The following HEXB variants were observed in gnomAD, a reference collection of about 807,000 sequenced individuals.
HEXB encodes the protein beta-hexosaminidase subunit beta.
HEXB carries 51 observed loss-of-function variants against 71.2 expected under a neutral mutation model. The observed-to-expected ratio is 0.72, with a 90% CI of 0.57 to 0.90. HEXB has a LOEUF of 0.90. Ranked by LOEUF, HEXB falls within the 40% of genes least tolerant of loss-of-function variation. The probability of loss-of-function intolerance (pLI) is 0.00; values close to 1 mark genes in which losing one functional copy is unlikely to be tolerated. For synonymous variants in HEXB, 266 were observed against 249.3 expected, an observed-to-expected ratio of 1.07 and a Z score of -0.63; for missense variants, 617 against 677.0, an observed-to-expected ratio of 0.91 and a Z score of 0.98.
chr5:74,669,831 G>A (rs1383668951), intron 1 of HEXB, among the ~76,000 whole-genome samples: 1 of 152,164 alleles, frequency 6.6e-6, no homozygotes, highest in Non-Finnish European at 1.5e-5. Context: ...CTGAACACTG[G>A]GGGAAATAAG....
chr5:74,653,427 C>T (rs1748159914), intron 1 of HEXB, among the ~76,000 whole-genome samples: 1 of 152,170 alleles, frequency 6.6e-6, no homozygotes. Flanking sequence ...TCGCTTTCTG[C>T]TCCCACCTGA....
intron 1 of HEXB, among the ~76,000 whole-genome samples, chr5:74,655,214 A>G (rs1748195107): frequency 1.3e-5 from 2 of 152,184 alleles, no homozygotes; most frequent in South Asian, 2.1e-4. Context: ...TGTTCATAAC[A>G]GGCACTAAAA....
intron 4 of HEXB, 57 bp from the exon 5 acceptor site, chr5:74,696,939 T>A: frequency 1.1e-6 from 1 of 930,758 alleles, no homozygotes; most frequent in East Asian, 2.4e-5. Flanking sequence ...TTAGTCTTCA[T>A]TGAGTTCAAG....
chr5:74,718,269 T>C (rs759658602), intron 9 of HEXB, 22 bp from the exon 10 acceptor site: 1 of 1,406,944 alleles, frequency 7.1e-7, no homozygotes, highest in Non-Finnish European at 1.0e-6. Context: ...CTAAAATAAC[T>C]ATAATTTTTT....
In HEXB at chr5:74,697,070, A is replaced by G. The variant is rs750864626; in HGVS notation, c.633A>G (p.Arg211=). The change falls in exon 5 of 14, where the codon AGA becomes AGG. Residue 211 remains arginine, a synonymous_variant. Coordinates refer to ENST00000261416, the MANE Select transcript of HEXB (RefSeq NM_000521.4). The part of the protein sequence containing the change: ...SHRGILIDTS[R]HYLPVKIILK... ...GAGGAATTTTGATTGATACATCCAG[A>G]CATTATCTGCCAGTTAAGATTATTC... 4.8e-5 allele frequency: 74 copies of G among 1,550,480 alleles called. No individual in the cohort carries two copies. Among genetic ancestry groups the G allele is most frequent in the Non-Finnish European group, 6.0e-5 (67 of 1,122,844 alleles).
intron 5 of HEXB, among the ~76,000 whole-genome samples, chr5:74,702,067 C>CTTTT (rs60295789): frequency 1.3e-4 from 8 of 60,590 alleles, no homozygotes; most frequent in African/African-American, 2.0e-4. Context: ...CTTTCCTTGT[C>CTTTT]TTTTTTTTTT....
chr5:74,668,696 C>T (rs180793751), intron 1 of HEXB, among the ~76,000 whole-genome samples: 1 of 152,288 alleles, frequency 6.6e-6, no homozygotes, highest in East Asian at 1.9e-4. Context: ...GTGGACACAT[C>T]AAGATACAAA....
chr5:74,654,723 G>A (rs1273439512), intron 1 of HEXB, among the ~76,000 whole-genome samples: 1 of 152,158 alleles, frequency 6.6e-6, no homozygotes, highest in Admixed American at 6.5e-5. Context: ...CCTCTGAAAG[G>A]TTAAACTAGA....
chr5:74,692,860 A>G (rs941616276), intron 2 of HEXB, among the ~76,000 whole-genome samples: 3 of 152,210 alleles, frequency 2.0e-5, no homozygotes, highest in African/African-American at 7.2e-5. Context: ...TATGTGGTTG[A>G]TTCCACTCCA....
upstream of HEXB, among the ~76,000 whole-genome samples, chr5:74,682,226 C>G (rs956380476): frequency 6.6e-6 from 1 of 152,160 alleles, no homozygotes; most frequent in Non-Finnish European, 1.5e-5. Context: ...GGCGTGGTGG[C>G]GGGCGCCTGT....
intron 8 of HEXB, among the ~76,000 whole-genome samples, chr5:74,716,164 A>G (rs1286068663): frequency 6.6e-6 from 1 of 152,086 alleles, no homozygotes; most frequent in Non-Finnish European, 1.5e-5. Context: ...GAGATGGTAG[A>G]TTTGTGGAGA....
At chr5:74,653,982 A>G (rs1748170345) in intron 1 of HEXB, among the ~76,000 whole-genome samples, 1 of 152,144 alleles carries the variant, frequency 6.6e-6, no homozygotes, top group African/African-American at 2.4e-5. Context: ...TGCAAAAAAA[A>G]GATCAAGGTG....
chr5:74,665,802 G>C (rs766163725), intron 1 of HEXB, among the ~76,000 whole-genome samples: 1 of 152,012 alleles, frequency 6.6e-6, no homozygotes. Context: ...CCAGTTTAAT[G>C]ACTGTTTAAA....
intron 1 of HEXB, among the ~76,000 whole-genome samples, chr5:74,668,593 G>C (rs1264140944): frequency 6.6e-6 from 1 of 152,122 alleles, no homozygotes; most frequent in Non-Finnish European, 1.5e-5. Flanking sequence ...TTGTTATAAG[G>C]GTTTGAGATA....
chr5:74,680,465 G>A (rs1256132013), upstream of HEXB, among the ~76,000 whole-genome samples: 1 of 152,128 alleles, frequency 6.6e-6, no homozygotes, highest in East Asian at 1.9e-4. Flanking sequence ...TTAAGGAACT[G>A]CATCCTAGGA....
In HEXB at chr5:74,700,905, A is replaced by G. The variant is rs375085418; in HGVS notation, c.669+3799A>G. 4.3e-4 allele frequency among the ~76,000 whole-genome samples: 66 copies of G among 152,068 alleles called. 1 individual carries two copies. The South Asian group carries it at 0.014, about 32-fold the overall frequency. ...ATATTTTTAGTAGAGGCAGGGTTTT[A>G]CCATGTTGGCCAGGCTGATCTTGAA... On this transcript the variant is annotated intron_variant, in intron 5 of 13. Coordinates refer to ENST00000261416, the MANE Select transcript of HEXB (RefSeq NM_000521.4).
intron 1 of HEXB, among the ~76,000 whole-genome samples, chr5:74,650,922 T>C (rs1197590083): frequency 1.8e-5 from 1 of 55,536 alleles, no homozygotes; most frequent in Non-Finnish European, 3.4e-5. Flanking sequence ...TGAGACTCTG[T>C]CTCAAAAAAA....
At chr5:74,643,802 A>G (rs1451210589) in intron 1 of HEXB, among the ~76,000 whole-genome samples, 1 of 152,162 alleles carries the variant, frequency 6.6e-6, no homozygotes, top group Non-Finnish European at 1.5e-5. Flanking sequence ...TAGACCAAAC[A>G]GTAGGCTAAG....
At chr5:74,664,697 C>A (rs748248150) in intron 1 of HEXB, among the ~76,000 whole-genome samples, 119 of 152,124 alleles carry the variant, frequency 7.8e-4, no homozygotes, top group Middle Eastern at 3.4e-3. Context: ...AAGTTTAAGA[C>A]TTCTGAAGAG....
Sources: gnomAD v4.1 joint callset for allele counts (sites outside exome capture counted in the v4.1 genomes callset) on GRCh38, gnomAD v4.1.1 for gene constraint, MANE v1.5 for transcripts, NCBI Gene and HGNC (gene_info 2026-07-23, HGNC 2026-07-21) for gene names.